MYO16: variants seen among roughly 807,000 people sequenced by gnomAD.
The protein encoded by MYO16 is unconventional myosin-XVI.
MYO16 carries 94 observed loss-of-function variants against 205.3 expected under a neutral mutation model. The observed-to-expected ratio is 0.46, with a 90% confidence interval of 0.39 to 0.54. The LOEUF (loss-of-function observed/expected upper bound fraction) is 0.54. MYO16 is among the 20% of genes least tolerant of loss of function. MYO16 has a pLI of 0.00. For missense variants in MYO16, 2,315 were observed against 2,387.5 expected (o/e 0.97, Z 0.63); for synonymous variants, 988 against 954.0 (o/e 1.04, Z -0.66).
intron 6 of MYO16, among the ~76,000 whole-genome samples, chr13:108,802,809 A>T (rs9514917): frequency 0.65 from 98,523 of 152,026 alleles, 33,415 homozygotes; most frequent in East Asian, 0.77. Flanking sequence ...AATTTGCAGC[A>T]CCCTAATGAT....
At chr13:109,199,781 A>G (rs995175133) in intron 34 of MYO16, among the ~76,000 whole-genome samples, 5 of 152,208 alleles carry the variant, frequency 3.3e-5, no homozygotes, top group Admixed American at 3.3e-4. Flanking sequence ...TGCTTTTTTA[A>G]TGATAATATT....
chr13:109,063,127 G>T (rs1045451678), intron 27 of MYO16, among the ~76,000 whole-genome samples: 1 of 152,110 alleles, frequency 6.6e-6, no homozygotes, highest in African/African-American at 2.4e-5. Context: ...ATGGACATTT[G>T]TTGGACTTTG....
At chr13:109,174,441 C>A (rs1373731172) in intron 33 of MYO16, among the ~76,000 whole-genome samples, 1 of 152,088 alleles carries the variant, frequency 6.6e-6, no homozygotes, top group South Asian at 2.1e-4. Context: ...CACTAAACCA[C>A]TCAGAATGCC....
At chr13:109,047,053 A>C in intron 24 of MYO16, 62 bp downstream of exon 24, 1 of 1,212,532 alleles carries the variant, frequency 8.2e-7, no homozygotes, top group Non-Finnish European at 1.2e-6. Context: ...TTATTTCTTT[A>C]TCTCTGAATA....
chr13:108,570,045 G>A, the MYO16 span, among the ~76,000 whole-genome samples: 1 of 151,852 alleles, frequency 6.6e-6, no homozygotes. Flanking sequence ...GTATTTTATT[G>A]AAGATTTTTG....
At chr13:109,000,136 T>C (rs1885164802) in intron 21 of MYO16, among the ~76,000 whole-genome samples, 1 of 152,172 alleles carries the variant, frequency 6.6e-6, no homozygotes, top group Non-Finnish European at 1.5e-5. Context: ...AAGAGTGAAT[T>C]GAGTAATTTT....
intron 11 of MYO16, 44 bp from the exon 12 acceptor site, chr13:108,866,133 C>G: frequency 8.3e-7 from 1 of 1,210,252 alleles, no homozygotes; most frequent in Non-Finnish European, 1.1e-6. Context: ...TTTAAAGATG[C>G]TATTTATATG....
chr13:108,910,301 C>A, intron 16 of MYO16, 151 bp downstream of exon 16: 1 of 813,088 alleles, frequency 1.2e-6, no homozygotes, highest in Non-Finnish European at 1.9e-6. Context: ...ATCCACATAA[C>A]AAGGTTCCCA....
intron 27 of MYO16, among the ~76,000 whole-genome samples, chr13:109,067,598 A>G (rs1389644515): frequency 2.0e-5 from 3 of 152,196 alleles, no homozygotes; most frequent in African/African-American, 4.8e-5. Context: ...GCACAGGCAC[A>G]TCAGGACGGC....
intron 3 of MYO16, among the ~76,000 whole-genome samples, chr13:108,724,507 CT>C (rs1326928102): frequency 3.3e-5 from 5 of 152,142 alleles, no homozygotes; most frequent in African/African-American, 1.2e-4. Context: ...TATATGGTTA[CT>C]TATATGTTTG....
intron 15 of MYO16, among the ~76,000 whole-genome samples, chr13:108,906,875 T>A (rs1463384793): frequency 6.6e-6 from 1 of 152,226 alleles, no homozygotes; most frequent in African/African-American, 2.4e-5. Context: ...GATCCGTCAT[T>A]TGACTCCTGT....
At chr13:108,807,631 C>T (rs972588134) in intron 7 of MYO16, among the ~76,000 whole-genome samples, 10 of 152,072 alleles carry the variant, frequency 6.6e-5, no homozygotes, top group African/African-American at 1.9e-4. Context: ...TCGAGGCTAT[C>T]CCATTGGTTC....
At chr13:109,173,273 A>C (rs921016433) in intron 33 of MYO16, among the ~76,000 whole-genome samples, 28 of 152,222 alleles carry the variant, frequency 1.8e-4, no homozygotes, top group African/African-American at 6.3e-4. Context: ...AATACGGAGC[A>C]CATTGAAAAT....
At chr13:109,084,694 T>G (rs1282615796) in intron 27 of MYO16, among the ~76,000 whole-genome samples, 2 of 152,050 alleles carry the variant, frequency 1.3e-5, no homozygotes, top group African/African-American at 2.4e-5. Context: ...TTATTAAAAT[T>G]TTTTCTCCCA....
intron 16 of MYO16, among the ~76,000 whole-genome samples, chr13:108,928,369 G>C (rs889911175): frequency 6.6e-6 from 1 of 152,154 alleles, no homozygotes; most frequent in African/African-American, 2.4e-5. Flanking sequence ...TAGTCTATTA[G>C]CTAGGGATCT....
At chr13:108,672,058 T>C (rs1882011107) in intron 2 of MYO16, among the ~76,000 whole-genome samples, 1 of 152,178 alleles carries the variant, frequency 6.6e-6, no homozygotes, top group Non-Finnish European at 1.5e-5. Context: ...GAGTTTCTCA[T>C]CTACCTTGGA....
intron 4 of MYO16, among the ~76,000 whole-genome samples, chr13:108,749,137 A>G (rs1398892075): frequency 6.6e-6 from 1 of 151,762 alleles, no homozygotes; most frequent in African/African-American, 2.4e-5. Flanking sequence ...TAACATATGC[A>G]TTACCTCACA....
chr13:108,811,545 T>TAAA (rs5806755), intron 7 of MYO16, among the ~76,000 whole-genome samples: 4 of 145,294 alleles, frequency 2.8e-5, no homozygotes, highest in Non-Finnish European at 1.5e-5. Context: ...ACCACCTGTT[T>TAAA]AAAAAAAAAA....
In MYO16 at chr13:109,179,599, C is replaced by A; in HGVS notation, c.5381C>A (p.Thr1794Lys). ...TCTATAAGTGGCACAGGGACTTCGA[C>A]ATTTCAAAGACACAGGGACAGTCAC... Reference protein sequence around the residue: ...RLSISGTGTSTFQRHRDSHTT... With the variant: ...RLSISGTGTSKFQRHRDSHTT... The change falls in exon 34 of 35, where the codon ACA becomes AAA. Residue 1794 changes from threonine (T) to lysine (K), a missense_variant. Around this residue, in one of 3 missense-constraint regions of MYO16, gnomAD observed 1,097 missense variants for 1,092.0 expected, o/e 1.00. Transcript: ENST00000457511. 6.2e-7 allele frequency: 1 copy of A among 1,613,940 alleles called. No homozygotes were observed. Among genetic ancestry groups the A allele is most frequent in the Middle Eastern group, 1.6e-4 (1 of 6,062 alleles).
Sources: gnomAD v4.1 joint callset for allele counts (sites outside exome capture counted in the v4.1 genomes callset) on GRCh38, gnomAD v4.1.1 for gene constraint, gnomAD v4.1.1 regional missense constraint, MANE v1.5 for transcripts, NCBI Gene and HGNC (gene_info 2026-07-23, HGNC 2026-07-21) for gene names.